The following PTPRD variants were observed in gnomAD, a reference collection of about 807,000 sequenced individuals.
The protein encoded by PTPRD is receptor-type tyrosine-protein phosphatase delta.
PTPRD carries 34 observed loss-of-function variants against 214.5 expected under a neutral mutation model. That is an observed-to-expected ratio of 0.16 (90% CI 0.12 to 0.21). The LOEUF (loss-of-function observed/expected upper bound fraction) is 0.21. Ranked by LOEUF, PTPRD falls within the 10% of genes least tolerant of loss-of-function variation. The probability of loss-of-function intolerance (pLI) is 1.00; values close to 1 mark genes in which losing one functional copy is unlikely to be tolerated. For missense variants in PTPRD, 2,545 were observed against 2,398.7 expected, an observed-to-expected ratio of 1.06 and a Z score of -1.27; for synonymous variants, 1,128 against 845.7, an observed-to-expected ratio of 1.33 and a Z score of -5.79.
intron 4 of PTPRD, among the ~76,000 whole-genome samples, chr9:9,991,602 C>T (rs1328275639): frequency 6.6e-6 from 1 of 152,032 alleles, no homozygotes; most frequent in East Asian, 1.9e-4. Flanking sequence ...CTCAGGTGAT[C>T]CACCTGCCTT....
At chr9:10,565,890 G>A (rs1013330037) in intron 2 of PTPRD, among the ~76,000 whole-genome samples, 3 of 151,654 alleles carry the variant, frequency 2.0e-5, no homozygotes, top group Non-Finnish European at 4.4e-5. Context: ...AAATGTTCAA[G>A]CCCCTCCTTT....
At chr9:9,845,882 C>T (rs937150724) in intron 5 of PTPRD, among the ~76,000 whole-genome samples, 2 of 152,002 alleles carry the variant, frequency 1.3e-5, no homozygotes, top group Admixed American at 1.3e-4. Flanking sequence ...ATTCCCAGCT[C>T]CATGTCCAGA....
intron 11 of PTPRD, among the ~76,000 whole-genome samples, chr9:8,866,568 C>T (rs1233363694): frequency 6.6e-6 from 1 of 152,126 alleles, no homozygotes; most frequent in African/African-American, 2.4e-5. Context: ...TAACTAAGTG[C>T]AAATGTTCTA....
At chr9:8,669,378 G>C (rs1438947842) in intron 12 of PTPRD, among the ~76,000 whole-genome samples, 1 of 152,162 alleles carries the variant, frequency 6.6e-6, no homozygotes, top group East Asian at 1.9e-4. Context: ...TTCTGCTATA[G>C]AGATTTCTGA....
intron 8 of PTPRD, among the ~76,000 whole-genome samples, chr9:9,530,659 TTG>T (rs1307342767): frequency 6.6e-6 from 1 of 152,186 alleles, no homozygotes; most frequent in Middle Eastern, 3.2e-3. Flanking sequence ...AAAGAAAATG[TTG>T]TGTGTCACAC....
At chr9:10,003,608 G>T (rs779529259) in intron 4 of PTPRD, among the ~76,000 whole-genome samples, 1 of 151,636 alleles carries the variant, frequency 6.6e-6, no homozygotes, top group African/African-American at 2.4e-5. Context: ...TTTTATAAGA[G>T]ATAAAGTTAA....
chr9:9,666,991 C>T (rs966413750), intron 7 of PTPRD, among the ~76,000 whole-genome samples: 6 of 151,912 alleles, frequency 3.9e-5, no homozygotes, highest in Non-Finnish European at 7.4e-5. Context: ...CTAAAGTCAT[C>T]GTTTCTCTTT....
intron 4 of PTPRD, among the ~76,000 whole-genome samples, chr9:9,955,792 G>A (rs1265843547): frequency 6.6e-6 from 1 of 152,168 alleles, no homozygotes; most frequent in Non-Finnish European, 1.5e-5. Context: ...AAAGTGCTGG[G>A]ATTACAGGCG....
At chr9:10,338,241 T>C (rs147503808) in intron 3 of PTPRD, among the ~76,000 whole-genome samples, 66 of 151,728 alleles carry the variant, frequency 4.3e-4, no homozygotes, top group African/African-American at 1.5e-3. Flanking sequence ...TCATGTATAG[T>C]AAGTGCTATA....
At chr9:9,474,645 G>A (rs2094887360) in intron 8 of PTPRD, among the ~76,000 whole-genome samples, 1 of 151,130 alleles carries the variant, frequency 6.6e-6, no homozygotes, top group African/African-American at 2.4e-5. Context: ...TTTCATTGTA[G>A]ACATATTTTG....
chr9:8,419,042 G>A (rs1343532888), intron 35 of PTPRD, among the ~76,000 whole-genome samples: 2 of 151,902 alleles, frequency 1.3e-5, no homozygotes, highest in East Asian at 1.9e-4. Context: ...AACATAGTGA[G>A]ACATCGTTTC....
At chr9:9,188,808 TTGTGTGTGTGTG>T (rs5896310) in intron 9 of PTPRD, among the ~76,000 whole-genome samples, 2,042 of 148,500 alleles carry the variant, frequency 0.014, 26 homozygotes, top group African/African-American at 0.031. Context: ...GCAAAATAAA[TTGTGTGTGTGTG>T]TGTGTGTGTG....
intron 2 of PTPRD, among the ~76,000 whole-genome samples, chr9:10,432,090 GA>G (rs1269615404): frequency 6.6e-6 from 1 of 151,866 alleles, no homozygotes; most frequent in East Asian, 1.9e-4. Context: ...ATACAACATG[GA>G]ATACTATGCA....
At chr9:10,028,178 T>A (rs1217008) in intron 4 of PTPRD, among the ~76,000 whole-genome samples, 10,710 of 152,246 alleles carry the variant, frequency 0.07, 1,283 homozygotes, top group African/African-American at 0.24. Context: ...TCACAAGCTC[T>A]CTTCTCTTAT....
At position 9,028,944 on chromosome 9, in the gene PTPRD, G is replaced by C. The variant is rs1022739504; in HGVS notation, c.-142-10209C>G. Reference sequence around the variant, plus strand: ...GCAAGGAATGAAAATGGGGGGCATAGAGTATTTTGTAGAGCTGCGTTGTCC... The same window carrying C: ...GCAAGGAATGAAAATGGGGGGCATACAGTATTTTGTAGAGCTGCGTTGTCC... On this transcript the variant is annotated intron_variant, in intron 10 of 45. Transcript: ENST00000381196. 4.0e-5 allele frequency among the ~76,000 whole-genome samples: 6 copies of C among 150,772 alleles called. No individual in the cohort carries two copies. In the South Asian group the frequency reaches 6.3e-4, roughly 16 times the overall value.
intron 35 of PTPRD, among the ~76,000 whole-genome samples, chr9:8,418,753 T>C (rs1341005442): frequency 6.6e-6 from 1 of 152,086 alleles, no homozygotes; most frequent in African/African-American, 2.4e-5. Context: ...TGTAAATTCA[T>C]AGACTTTACA....
chr9:10,208,368 G>T (rs1373099802), intron 3 of PTPRD, among the ~76,000 whole-genome samples: 1 of 152,148 alleles, frequency 6.6e-6, no homozygotes, highest in Non-Finnish European at 1.5e-5. Context: ...CAAAAAATTA[G>T]CCGGGCGTGG....
At chr9:8,375,118 T>C (rs1163820303) in intron 39 of PTPRD, among the ~76,000 whole-genome samples, 1 of 151,926 alleles carries the variant, frequency 6.6e-6, no homozygotes, top group African/African-American at 2.4e-5. Flanking sequence ...TATAAAGAAC[T>C]ATCATGAAAT....
At chr9:9,581,818 C>A (rs1292630502) in intron 7 of PTPRD, among the ~76,000 whole-genome samples, 1 of 152,040 alleles carries the variant, frequency 6.6e-6, no homozygotes, top group African/African-American at 2.4e-5. Flanking sequence ...CTATTGAATA[C>A]AATGGTATAT....
Sources: allele counts gnomAD v4.1 joint callset (sites outside exome capture counted in the v4.1 genomes callset), GRCh38; gene constraint gnomAD v4.1.1; transcripts MANE v1.5; gene names NCBI Gene and HGNC (gene_info 2026-07-23, HGNC 2026-07-21).